The following CASZ1 variants were observed in gnomAD, a reference collection of about 807,000 sequenced individuals.
CASZ1 encodes the protein zinc finger protein castor homolog 1.
Under a neutral mutation model 135.2 loss-of-function variants are expected in CASZ1, and 28 were observed. The observed-to-expected ratio is 0.21, with a 90% confidence interval of 0.15 to 0.28. CASZ1 has a LOEUF of 0.28. CASZ1 is among the 10% of genes least tolerant of loss of function. CASZ1 has a pLI of 1.00. For synonymous variants in CASZ1, 1,068 were observed against 1,073.4 expected (o/e 0.99, Z 0.10); for missense variants, 2,161 against 2,453.3 (o/e 0.88, Z 2.52).
At chr1:10,681,932 G>T (rs925849346) in intron 4 of CASZ1, among the ~76,000 whole-genome samples, 13 of 152,222 alleles carry the variant, frequency 8.5e-5, no homozygotes, top group Non-Finnish European at 1.6e-4. Flanking sequence ...AACAAAAGAG[G>T]CCCCAGTTGT....
chr1:10,645,132 A>C, intron 17 of CASZ1, 44 bp from the exon 18 acceptor site: 2 of 1,584,040 alleles, frequency 1.3e-6, no homozygotes, highest in Non-Finnish European at 8.6e-7. Flanking sequence ...GGTGACTTTC[A>C]AGAGCTCCTG....
chr1:10,647,172 C>A lies in CASZ1; in HGVS notation c.3497+629G>T. The A allele has an allele frequency of 1.1e-6, 1 of 934,266 alleles. No homozygotes were observed. The highest frequency in any genetic ancestry group is 4.9e-5 in the South Asian group (1 of 20,464). The allele number at this position is 934,266 out of a possible 1,614,324, so 57.9% of individuals were successfully genotyped here. On this transcript the variant is annotated intron_variant, in intron 16 of 20. Transcript: ENST00000377022. This position sits in a 1 kb window ranked among gnomAD's most constrained non-coding sequence, Gnocchi z 4.9. ...CCCTTCCATGCTGTGGGCCCAGCCC[C>A]AGTTGCTCAGAGAGGGAGGACAGCT...
intron 1 of CASZ1, among the ~76,000 whole-genome samples, chr1:10,763,452 G>A (rs565831583): frequency 4.6e-5 from 7 of 152,238 alleles, no homozygotes; most frequent in African/African-American, 1.7e-4. Context: ...CAGGCTGCGC[G>A]GAGGATGGAC....
Position 10,700,080 on chromosome 1 carries a change from G to GACACAC in CASZ1, c.-24+5406_-24+5411dup, listed in dbSNP as rs572824153. Among the ~76,000 whole-genome samples, 2,835 of 134,040 alleles carry GACACAC rather than the reference G, an allele frequency of 0.021. 75 individuals are homozygous for GACACAC. The highest frequency in any genetic ancestry group is 0.058 in the African/African-American group (2,047 of 35,268). The allele number at this position is 134,040 out of a possible 152,430, so 87.9% of individuals were successfully genotyped here. On this transcript the variant is annotated intron_variant, in intron 3 of 20. Transcript: ENST00000377022. This position sits in a 1 kb window ranked among gnomAD's most constrained non-coding sequence, Gnocchi z 4.2. The stretch of plus-strand genomic sequence containing the variant: ...AGACAGAGAGAGAAAGAGAGATAGA[G>GACACAC]ACACACACACACACACACACACACA...
Position 10,639,930 on chromosome 1 carries a change from A to G in CASZ1, c.4292T>C (p.Leu1431Pro). 6.2e-7 allele frequency: 1 copy of G among 1,612,980 alleles called. No individual in the cohort carries two copies. Among genetic ancestry groups the G allele is most frequent in the Non-Finnish European group, 8.5e-7 (1 of 1,180,024 alleles). The change falls in exon 21 of 21, where the codon CTG (leucine) becomes CCG (proline). Residue 1431 changes from leucine to proline, a missense_variant. By Grantham distance (98) the Leu-to-Pro change is moderately conservative. This residue lies in a region of CASZ1 where 240 missense variants were observed against 321.4 expected (regional missense o/e 0.75). Transcript: ENST00000377022. The surrounding 1 kb of genome is among the most constrained non-coding windows in gnomAD (Gnocchi z 4.0). Reference sequence around the variant, plus strand: ...AAGGTCGAAGCGCCGGAAGCCCTCCAGCATCATGCCCTCGTCCAGCATCTT... The same window carrying G: ...AAGGTCGAAGCGCCGGAAGCCCTCCGGCATCATGCCCTCGTCCAGCATCTT... ...SRKMLDEGMM[L>P]EGFRRFDLYE...
At chr1:10,780,924 C>T (rs754480068) in intron 1 of CASZ1, among the ~76,000 whole-genome samples, 13 of 152,166 alleles carry the variant, frequency 8.5e-5, no homozygotes, top group African/African-American at 2.4e-4. Context: ...GACACACAAT[C>T]GGCCCTCAGT....
chr1:10,730,862 C>T (rs1185170203), intron 2 of CASZ1, among the ~76,000 whole-genome samples: 1 of 152,148 alleles, frequency 6.6e-6, no homozygotes, highest in Non-Finnish European at 1.5e-5. Context: ...AATCCTAGCA[C>T]TTTGGGAGGC....
rs1002178455 is a variant in CASZ1, at chr1:10,726,031, T to C, written c.-76-20487A>G. ...CAGCTAGCATTTGCTGAGCAGTCACTATCTGTCAGGGGCTGTACCATCTCA... is the reference window on the plus strand; with the variant it reads ...CAGCTAGCATTTGCTGAGCAGTCACCATCTGTCAGGGGCTGTACCATCTCA... On this transcript the variant is annotated intron_variant, in intron 2 of 20. Coordinates refer to ENST00000377022, the MANE Select transcript of CASZ1 (RefSeq NM_001079843.3). The surrounding 1 kb of genome is among the most constrained non-coding windows in gnomAD (Gnocchi z 5.7). Among the ~76,000 whole-genome samples, 1 of 152,170 alleles carries C rather than the reference T, an allele frequency of 6.6e-6. No homozygotes were observed. Among genetic ancestry groups the C allele is most frequent in the African/African-American group, 2.4e-5 (1 of 41,428 alleles).
chr1:10,670,496 G>T (rs1475722506), intron 4 of CASZ1, among the ~76,000 whole-genome samples: 2 of 152,240 alleles, frequency 1.3e-5, no homozygotes, highest in African/African-American at 4.8e-5. Flanking sequence ...CAGGCCACAA[G>T]CCCCAGTTTT....
chr1:10,745,238 C>T (rs144460991), intron 2 of CASZ1, among the ~76,000 whole-genome samples: 64 of 152,260 alleles, frequency 4.2e-4, no homozygotes, highest in African/African-American at 1.4e-3. Flanking sequence ...CATGAAGTCT[C>T]GGGTGGCCTT....
rs1365285272 is a variant in CASZ1 at position 10,638,512 on chromosome 1, G to C, written c.*430C>G. 6 of 151,786 alleles carry C rather than the reference G, an allele frequency of 4.0e-5. No homozygotes were observed. The highest frequency in any genetic ancestry group is 1.5e-4 in the African/African-American group (6 of 41,262). The allele number at this position is 151,786 out of a possible 1,614,324, so 9.4% of individuals were successfully genotyped here. ...GGAGGATCCTAGCTGCATGAGGGAG[G>C]CCCCGCCAGCGGCTCCAGGAGCCAC... On this transcript the variant is annotated 3_prime_UTR_variant, in exon 21 of 21. Transcript: ENST00000377022. This position sits in a 1 kb window ranked among gnomAD's most constrained non-coding sequence, Gnocchi z 5.9.
chr1:10,700,078 G>GACACACACACAC lies in CASZ1; in HGVS notation c.-24+5413_-24+5414insGTGTGTGTGTGT, dbSNP rs1443024550. On this transcript the variant is annotated intron_variant, in intron 3 of 20. Transcript: ENST00000377022. The surrounding 1 kb of genome is among the most constrained non-coding windows in gnomAD (Gnocchi z 4.2). Reference sequence around the variant, plus strand: ...AGAGACAGAGAGAGAAAGAGAGATAGAGACACACACACACACACACACACA... The same window carrying GACACACACACAC: ...AGAGACAGAGAGAGAAAGAGAGATAGACACACACACACAGACACACACACACACACACACACA... Among the ~76,000 whole-genome samples the GACACACACACAC allele has an allele frequency of 1.3e-3, 97 of 74,172 alleles. 2 individuals carry two copies. Among genetic ancestry groups the GACACACACACAC allele is most frequent in the African/African-American group, 5.2e-3 (89 of 17,190 alleles). 48.7% of individuals were successfully genotyped at this position (74,172 alleles called of 152,430 possible). A position where few individuals can be genotyped will look rare whatever the true frequency, so the allele number is the denominator to read the frequency against.
chr1:10,782,977 C>T (rs1052494544), intron 1 of CASZ1, among the ~76,000 whole-genome samples: 8 of 152,254 alleles, frequency 5.3e-5, no homozygotes, highest in Non-Finnish European at 5.9e-5. Flanking sequence ...TTCTCATTTA[C>T]TGTCAGCTCC....
At chr1:10,670,212 C>G (rs1238816327) in intron 4 of CASZ1, among the ~76,000 whole-genome samples, 2 of 152,224 alleles carry the variant, frequency 1.3e-5, no homozygotes, top group Non-Finnish European at 2.9e-5. Context: ...CTCGTCTGTG[C>G]TGGGTGCCTT....
At position 10,720,881 on chromosome 1, in the gene CASZ1, C is replaced by G. The variant is rs1316000248; in HGVS notation, c.-76-15337G>C. On this transcript the variant is annotated intron_variant, in intron 2 of 20. Transcript: ENST00000377022. The surrounding 1 kb of genome is among the most constrained non-coding windows in gnomAD (Gnocchi z 5.7). ...AGGCAGGCATGGGTGCCGCGTGGGC[C>G]CAGCCAAGGGCTCCAGGACACGAGG... Among the ~76,000 whole-genome samples the G allele has an allele frequency of 6.6e-6, 1 of 152,126 alleles. No individual in the cohort carries two copies. Among genetic ancestry groups the G allele is most frequent in the Non-Finnish European group, 1.5e-5 (1 of 68,022 alleles).
rs553682103 is a variant in CASZ1 at position 10,780,002 on chromosome 1, A to C, written c.-234+16562T>G. Among the ~76,000 whole-genome samples, 10 of 152,104 alleles carry C rather than the reference A, an allele frequency of 6.6e-5. No individual in the cohort carries two copies. The South Asian group carries it at 2.1e-3, about 32-fold the overall frequency. ...CAGAGGCTCCACCAACACCCCGCCC[A>C]CCCTGAGCTGGGCCAGGAGTGCCCT... is the stretch of plus-strand genomic sequence containing the variant. On this transcript the variant is annotated intron_variant, in intron 1 of 20. Coordinates refer to ENST00000377022, the MANE Select transcript of CASZ1 (RefSeq NM_001079843.3).
intron 4 of CASZ1, among the ~76,000 whole-genome samples, chr1:10,677,948 C>T (rs985628911): frequency 6.6e-6 from 1 of 152,238 alleles, no homozygotes; most frequent in African/African-American, 2.4e-5. Flanking sequence ...AAAGTGGAGG[C>T]TGGCTGCGTG....
intron 3 of CASZ1, among the ~76,000 whole-genome samples, chr1:10,702,852 G>C (rs1639091949): frequency 6.6e-6 from 1 of 152,180 alleles, no homozygotes; most frequent in Admixed American, 6.5e-5. Context: ...AGGGCTCTCT[G>C]CACGATGCCG....
At chr1:10,732,739 A>T (rs940203558) in intron 2 of CASZ1, among the ~76,000 whole-genome samples, 2 of 152,168 alleles carry the variant, frequency 1.3e-5, no homozygotes, top group African/African-American at 4.8e-5. Context: ...TCTGGCTCCC[A>T]TGGTGGCAGC....
Sources: allele counts gnomAD v4.1 joint callset (sites outside exome capture counted in the v4.1 genomes callset), GRCh38; gene constraint gnomAD v4.1.1; regional missense constraint gnomAD v4.1.1; non-coding constraint Gnocchi (gnomAD v3.1); transcripts MANE v1.5; gene names NCBI Gene and HGNC (gene_info 2026-07-23, HGNC 2026-07-21).